The following LRRC17 variants were observed in gnomAD, a reference collection of about 807,000 sequenced individuals.
LRRC17 encodes leucine-rich repeat-containing protein 17.
In LRRC17, 33 loss-of-function variants were observed where a neutral mutation model predicts 41.5. The observed-to-expected ratio is 0.80, with a 90% confidence interval of 0.60 to 1.06. LRRC17 has a LOEUF of 1.06. Ranked by LOEUF, LRRC17 falls within the 50% of genes least tolerant of loss-of-function variation. The pLI is 0.00. For synonymous variants in LRRC17, 192 were observed against 197.0 expected, an observed-to-expected ratio of 0.97 and a Z score of 0.21; for missense variants, 491 against 519.3, an observed-to-expected ratio of 0.95 and a Z score of 0.53.
chr7:102,928,010 C>T (rs1302696638), intron 1 of LRRC17, among the ~76,000 whole-genome samples: 3 of 152,142 alleles, frequency 2.0e-5, no homozygotes, highest in Admixed American at 6.5e-5. Flanking sequence ...GAGAGGCAGC[C>T]ACAAAGATGA....
chr7:102,935,377 G>C (rs1485380959), intron 2 of LRRC17, among the ~76,000 whole-genome samples: 1 of 150,572 alleles, frequency 6.6e-6, no homozygotes. Flanking sequence ...TCAGCCTCTC[G>C]AGTAGCTGAT....
chr7:102,918,471 G>A (rs1272184216), intron 1 of LRRC17, among the ~76,000 whole-genome samples: 1 of 152,144 alleles, frequency 6.6e-6, no homozygotes, highest in Admixed American at 6.5e-5. Flanking sequence ...TTCAATGTAT[G>A]ATTGAAAATA....
At chr7:102,916,740 T>C (rs1164850227) in intron 1 of LRRC17, among the ~76,000 whole-genome samples, 1 of 151,442 alleles carries the variant, frequency 6.6e-6, no homozygotes, top group African/African-American at 2.4e-5. Flanking sequence ...TTTGAGGCAA[T>C]GTTTACAGCT....
At chr7:102,930,025 G>C (rs1307399641) in intron 1 of LRRC17, among the ~76,000 whole-genome samples, 2 of 152,130 alleles carry the variant, frequency 1.3e-5, no homozygotes, top group Non-Finnish European at 2.9e-5. Flanking sequence ...TTGGGCTAGG[G>C]GTGGTGGGGA....
chr7:102,913,478 G>A (rs1815175099), intron 1 of LRRC17, among the ~76,000 whole-genome samples: 1 of 152,182 alleles, frequency 6.6e-6, no homozygotes, highest in Non-Finnish European at 1.5e-5. Flanking sequence ...AGATATTTAA[G>A]AAAGTTGACT....
chr7:102,944,164 G>A (rs746875199), intron 3 of LRRC17, 46 bp from the exon 4 acceptor site: 2 of 1,506,606 alleles, frequency 1.3e-6, no homozygotes, highest in Admixed American at 4.0e-5. Context: ...GCCATACACT[G>A]TATTAACTCA....
At chr7:102,920,409 A>G (rs1451921291) in intron 1 of LRRC17, among the ~76,000 whole-genome samples, 1 of 152,056 alleles carries the variant, frequency 6.6e-6, no homozygotes, top group Non-Finnish European at 1.5e-5. Flanking sequence ...ACTCTGTCAC[A>G]GCACAATCAT....
chr7:102,935,772 T>G (rs2129474047), intron 2 of LRRC17, among the ~76,000 whole-genome samples: 1 of 152,324 alleles, frequency 6.6e-6, no homozygotes, highest in East Asian at 1.9e-4. Flanking sequence ...GTTTAATAAT[T>G]TATTTGTAAT....
At position 102,934,642 on chromosome 7, in the gene LRRC17, C is replaced by A; in HGVS notation, c.729C>A (p.His243Gln). Residue 243 changes from histidine to glutamine, a missense_variant, in exon 2 of 4, where the codon CAC (histidine) becomes CAA (glutamine). By Grantham distance (24) the His-to-Gln change is conservative (BLOSUM62 0). Transcript: ENST00000339431. ...CTGAGGTGGACTCAACTTTTTGCCA[C>A]AATTATGTGTTTCCCATACAAACAC... ...IKPEVDSTFC[H>Q]NYVFPIQTLD... 6.2e-7 allele frequency: 1 copy of A among 1,606,110 alleles called. No individual in the cohort carries two copies. Among genetic ancestry groups the A allele is most frequent in the Middle Eastern group, 1.7e-4 (1 of 5,998 alleles).
chr7:102,936,137 T>C (rs1415374657), intron 2 of LRRC17: 1 of 151,434 alleles, frequency 6.6e-6, no homozygotes, highest in Non-Finnish European at 1.5e-5. Context: ...CTGTGAACTG[T>C]ATATAATTCA....
Position 102,932,103 on chromosome 7 carries a change from C to T in LRRC17, c.-140-1671C>T, listed in dbSNP as rs141808164. On this transcript the variant is annotated intron_variant, in intron 1 of 3. Transcript: ENST00000339431. The stretch of plus-strand genomic sequence containing the variant: ...TCCCCAGAAAAATGGCTTTTTTGGG[C>T]TTCAGAATTAAAATACACAGACATG... 1.3e-4 allele frequency among the ~76,000 whole-genome samples: 20 copies of T among 152,174 alleles called. No individual in the cohort carries two copies. In the East Asian group the frequency reaches 3.5e-3, roughly 26 times the overall value.
In LRRC17 at chr7:102,944,665, CAT is replaced by C. The variant is rs1453641223; in HGVS notation, c.*61_*62del. 2 of 1,417,668 alleles carry C rather than the reference CAT, an allele frequency of 1.4e-6. No homozygotes were observed. Among genetic ancestry groups the C allele is most frequent in the East Asian group, 4.6e-5 (2 of 43,452 alleles). 87.8% of individuals were successfully genotyped at this position (1,417,668 alleles called of 1,614,324 possible). On this transcript the variant is annotated 3_prime_UTR_variant, in exon 4 of 4. Transcript: ENST00000339431. ...TATTTTCTATACTGGTGTTAGAAAA[CAT>C]ATGTTTACATTTGATTAACTGTGTT...
At chr7:102,925,693 G>A (rs539275228) in intron 1 of LRRC17, among the ~76,000 whole-genome samples, 1 of 152,200 alleles carries the variant, frequency 6.6e-6, no homozygotes, top group African/African-American at 2.4e-5. Flanking sequence ...TGTAATTCCA[G>A]CGCTTTGGGA....
At chr7:102,942,174 A>G in intron 3 of LRRC17, 1 of 690,494 alleles carries the variant, frequency 1.4e-6, no homozygotes, top group East Asian at 2.7e-5. Flanking sequence ...CTGAGCACCT[A>G]CCAAATGCCA....
intron 1 of LRRC17, among the ~76,000 whole-genome samples, chr7:102,914,334 A>C (rs1404497872): frequency 3.3e-5 from 5 of 152,190 alleles, no homozygotes; most frequent in African/African-American, 1.2e-4. Flanking sequence ...TGGCCTCCCA[A>C]AGTGCTCGGA....
chr7:102,919,462 T>G (rs77606690), intron 1 of LRRC17, among the ~76,000 whole-genome samples: 1 of 152,182 alleles, frequency 6.6e-6, no homozygotes, highest in African/African-American at 2.4e-5. Flanking sequence ...AGAAAAAATA[T>G]ATTTTAGTGT....
intron 1 of LRRC17, among the ~76,000 whole-genome samples, chr7:102,931,595 T>G (rs1203264259): frequency 6.6e-6 from 1 of 152,184 alleles, no homozygotes; most frequent in Non-Finnish European, 1.5e-5. Context: ...GGGGCCCAAT[T>G]TTTTTCTGTC....
intron 1 of LRRC17, among the ~76,000 whole-genome samples, chr7:102,924,875 C>A (rs552897307): frequency 6.6e-6 from 1 of 151,932 alleles, no homozygotes; most frequent in Non-Finnish European, 1.5e-5. Context: ...ATGATCCACC[C>A]GCCCCGGCCT....
intron 1 of LRRC17, among the ~76,000 whole-genome samples, chr7:102,917,831 C>T (rs1816204879): frequency 6.6e-6 from 1 of 152,124 alleles, no homozygotes; most frequent in Non-Finnish European, 1.5e-5. Flanking sequence ...GCTGAGAGTG[C>T]CACCTAGGTT....
Sources: gnomAD v4.1 joint callset for allele counts (sites outside exome capture counted in the v4.1 genomes callset) on GRCh38, gnomAD v4.1.1 for gene constraint, MANE v1.5 for transcripts, NCBI Gene and HGNC (gene_info 2026-07-23, HGNC 2026-07-21) for gene names.